Variants in NCOA2 observed in about 807,000 individuals in gnomAD.
The protein encoded by NCOA2 is nuclear receptor coactivator 2, also known as class E basic helix-loop-helix protein 75.
A neutral mutation model predicts 145.1 loss-of-function variants in NCOA2; 21 were observed. That is an observed-to-expected ratio of 0.14 (90% CI 0.10 to 0.21). The LOEUF is 0.21. NCOA2 is among the 10% of genes least tolerant of loss of function. NCOA2 has a pLI of 1.00. For synonymous variants in NCOA2, 619 were observed against 637.5 expected (o/e 0.97, Z 0.44); for missense variants, 1,472 against 1,837.6 (o/e 0.80, Z 3.64).
intron 1 of NCOA2, among the ~76,000 whole-genome samples, chr8:70,350,317 C>T (rs1193323107): frequency 7.2e-5 from 11 of 152,108 alleles, no homozygotes; most frequent in Non-Finnish European, 1.3e-4. Context: ...CCCAAATATA[C>T]CACTGAAAAC....
At chr8:70,228,881 T>C (rs1050868837) in intron 2 of NCOA2, among the ~76,000 whole-genome samples, 3 of 152,190 alleles carry the variant, frequency 2.0e-5, no homozygotes, top group African/African-American at 7.2e-5. Context: ...TAAACCCTGG[T>C]TCTAGTTGGG....
intron 16 of NCOA2, 93 bp from the exon 17 acceptor site, chr8:70,129,073 G>A (rs1261647691): frequency 8.1e-7 from 1 of 1,239,528 alleles, no homozygotes; most frequent in African/African-American, 1.5e-5. Context: ...TCATATATTT[G>A]AAGCTTTTTA....
chr8:70,206,725 C>T (rs937938394), intron 4 of NCOA2, among the ~76,000 whole-genome samples: 2 of 152,186 alleles, frequency 1.3e-5, no homozygotes, highest in African/African-American at 4.8e-5. Flanking sequence ...TTGCCCTTTT[C>T]AGCCTCAAAT....
intron 1 of NCOA2, among the ~76,000 whole-genome samples, chr8:70,312,582 G>GA (rs1805223811): frequency 2.6e-5 from 4 of 151,588 alleles, no homozygotes; most frequent in Admixed American, 2.0e-4. Flanking sequence ...AATCATCTTG[G>GA]AAAACACTTC....
rs574836995 is a variant in NCOA2 at position 70,390,420 on chromosome 8, A to T, written c.-77+13280T>A. Among the ~76,000 whole-genome samples the T allele has an allele frequency of 3.9e-5, 6 of 152,260 alleles. No homozygotes were observed. In the South Asian group the frequency reaches 1.2e-3, roughly 32 times the overall value. ...TTCTTATTGTTTTCTTGGGTGACAA[A>T]ATCTTTCCTGCCCACTACTCTTACA... On this transcript the variant is annotated intron_variant, in intron 1 of 22. Transcript: ENST00000452400.
the NCOA2 span, among the ~76,000 whole-genome samples, chr8:70,441,691 GAAGAAAGAAAAGAAA>G: frequency 1.4e-5 from 2 of 138,560 alleles, no homozygotes; most frequent in South Asian, 2.3e-4. Context: ...AGAAAAGGAA[GAAGAAAGAAAAGAAA>G]AAGAAAGAAA....
chr8:70,166,352 C>A (rs537344666), intron 7 of NCOA2, among the ~76,000 whole-genome samples: 1 of 152,340 alleles, frequency 6.6e-6, no homozygotes, highest in African/African-American at 2.4e-5. Context: ...CCACACCAGA[C>A]AGTGAAGATA....
the NCOA2 span, among the ~76,000 whole-genome samples, chr8:70,415,342 A>G: frequency 3.9e-5 from 6 of 152,196 alleles, no homozygotes; most frequent in South Asian, 2.1e-4. Context: ...CAAACAAACA[A>G]AAAGTACTAG....
At chr8:70,223,729 A>T (rs1820362480) in intron 2 of NCOA2, among the ~76,000 whole-genome samples, 1 of 152,194 alleles carries the variant, frequency 6.6e-6, no homozygotes, top group Non-Finnish European at 1.5e-5. Context: ...TAGATGAGGA[A>T]ATTGAGGTAC....
chr8:70,399,760 G>C (rs1814052158), intron 1 of NCOA2, among the ~76,000 whole-genome samples: 1 of 152,198 alleles, frequency 6.6e-6, no homozygotes, highest in African/African-American at 2.4e-5. Flanking sequence ...CAGAAAAATT[G>C]TTTAAAGAGA....
intron 2 of NCOA2, among the ~76,000 whole-genome samples, chr8:70,227,519 A>C (rs1166160247): frequency 6.6e-6 from 1 of 152,230 alleles, no homozygotes; most frequent in Non-Finnish European, 1.5e-5. Flanking sequence ...AATAACAAGA[A>C]GGAAAAATCT....
At chr8:70,388,365 T>C (rs1430069598) in intron 1 of NCOA2, among the ~76,000 whole-genome samples, 3 of 152,194 alleles carry the variant, frequency 2.0e-5, no homozygotes, top group Admixed American at 2.0e-4. Flanking sequence ...TAGGCCTCTT[T>C]AGGATTCCTT....
At chr8:70,441,882 G>A in the NCOA2 span, among the ~76,000 whole-genome samples, 1 of 148,996 alleles carries the variant, frequency 6.7e-6, no homozygotes, top group African/African-American at 2.5e-5. Context: ...CAGGTCTTCA[G>A]GCCCCTGAGA....
chr8:70,391,338 C>A (rs1386980342), intron 1 of NCOA2, among the ~76,000 whole-genome samples: 1 of 152,144 alleles, frequency 6.6e-6, no homozygotes, highest in Non-Finnish European at 1.5e-5. Flanking sequence ...TTAATCTGAG[C>A]CTAAAACAGA....
At chr8:70,284,883 C>T (rs1291126363) in intron 2 of NCOA2, among the ~76,000 whole-genome samples, 1 of 151,888 alleles carries the variant, frequency 6.6e-6, no homozygotes, top group African/African-American at 2.4e-5. Context: ...AGAGAATTAT[C>T]TCAACACAAA....
the NCOA2 span, among the ~76,000 whole-genome samples, chr8:70,446,071 G>T: frequency 6.6e-5 from 10 of 151,068 alleles, no homozygotes; most frequent in African/African-American, 2.2e-4. Flanking sequence ...TGGATTACAA[G>T]ACACAAGTTA....
chr8:70,284,058 T>C (rs1017545040), intron 2 of NCOA2, among the ~76,000 whole-genome samples: 3 of 152,124 alleles, frequency 2.0e-5, no homozygotes, highest in Non-Finnish European at 1.5e-5. Context: ...CTCTCCTCAC[T>C]AGATGACTGC....
At chr8:70,186,042 A>T (rs1291509510) in intron 4 of NCOA2, among the ~76,000 whole-genome samples, 1 of 152,144 alleles carries the variant, frequency 6.6e-6, no homozygotes, top group Non-Finnish European at 1.5e-5. Context: ...GAAAACGCAC[A>T]TACAAATAAT....
chr8:70,271,178 T>C (rs904025564), intron 2 of NCOA2, among the ~76,000 whole-genome samples: 2 of 152,214 alleles, frequency 1.3e-5, no homozygotes, highest in Non-Finnish European at 2.9e-5. Context: ...TTGCCATCTT[T>C]CAAATAAACA....
Sources: gnomAD v4.1 joint callset for allele counts (sites outside exome capture counted in the v4.1 genomes callset) on GRCh38, gnomAD v4.1.1 for gene constraint, MANE v1.5 for transcripts, NCBI Gene and HGNC (gene_info 2026-07-23, HGNC 2026-07-21) for gene names.